HSPA4: variants seen among roughly 807,000 people sequenced by gnomAD.
HSPA4 encodes heat shock 70 kDa protein 4.
A neutral mutation model predicts 106.2 loss-of-function variants in HSPA4; 25 were observed. The ratio of observed to expected loss-of-function variants is 0.24; its 90% CI spans 0.17 to 0.33. HSPA4 has a LOEUF of 0.33. Ranked by LOEUF, HSPA4 falls within the 10% of genes least tolerant of loss-of-function variation. HSPA4 has a pLI of 1.00. For synonymous variants in HSPA4, 332 were observed against 333.6 expected, an observed-to-expected ratio of 1.00 and a Z score of 0.05; for missense variants, 841 against 996.0, an observed-to-expected ratio of 0.84 and a Z score of 2.10.
At position 133,093,166 on chromosome 5, in the gene HSPA4, A is replaced by G. The variant is rs146164920; in HGVS notation, c.1650+377A>G. Among the ~76,000 whole-genome samples the G allele has an allele frequency of 4.4e-3, 666 of 151,994 alleles. 6 individuals are homozygous for G. Among genetic ancestry groups the G allele is most frequent in the African/African-American group, 0.016 (647 of 41,438 alleles). On this transcript the variant is annotated intron_variant, in intron 13 of 18. Coordinates refer to ENST00000304858, the MANE Select transcript of HSPA4 (RefSeq NM_002154.4). ...TTAGAGTATGCACTGCAGTCTTTTTAAAGTACATGGTTTTGGCTGAGGGGC... is the reference window on the plus strand; with the variant it reads ...TTAGAGTATGCACTGCAGTCTTTTTGAAGTACATGGTTTTGGCTGAGGGGC...
At chr5:133,101,189 G>A (rs555675419) in intron 16 of HSPA4, among the ~76,000 whole-genome samples, 1 of 152,102 alleles carries the variant, frequency 6.6e-6, no homozygotes, top group Non-Finnish European at 1.5e-5. Context: ...ATCAGTATCC[G>A]TATAGGGCTC....
chr5:133,060,068 C>CTTTTT (rs370182052), intron 1 of HSPA4, among the ~76,000 whole-genome samples: 45,216 of 145,828 alleles, frequency 0.31, 8,067 homozygotes, highest in African/African-American at 0.5. Context: ...ATCAGTTTTA[C>CTTTTT]TTTTTTTTTT....
chr5:133,097,073 A>G, intron 14 of HSPA4, 88 bp from the exon 15 acceptor site: 2 of 1,075,300 alleles, frequency 1.9e-6, no homozygotes, highest in Non-Finnish European at 2.7e-6. Context: ...TTTGGGGAAG[A>G]AAGAGTCTCT....
At chr5:133,087,476 C>T (rs898334218) in intron 8 of HSPA4, among the ~76,000 whole-genome samples, 4 of 152,096 alleles carry the variant, frequency 2.6e-5, no homozygotes, top group Non-Finnish European at 5.9e-5. Flanking sequence ...CTTTAAATAG[C>T]CCTTCTCAAG....
At chr5:133,102,002 G>GT in intron 17 of HSPA4, 124 bp downstream of exon 17, 2 of 607,298 alleles carry the variant, frequency 3.3e-6, no homozygotes, top group Non-Finnish European at 5.3e-6. Context: ...TCTCGGCTCA[G>GT]TGCAACCTCC....
At chr5:133,056,800 CAG>C (rs768341200) in intron 1 of HSPA4, among the ~76,000 whole-genome samples, 48 of 152,202 alleles carry the variant, frequency 3.2e-4, no homozygotes, top group Non-Finnish European at 6.0e-4. Flanking sequence ...ACAAATATAA[CAG>C]ATTAATTTGC....
rs542651678 is a variant in HSPA4 at position 133,100,890 on chromosome 5, C to T, written c.2038-869C>T. The stretch of plus-strand genomic sequence containing the variant: ...GTGTTATCACGGCTTACTGCAGCCT[C>T]GACCTCCCATGCTCAAGTGGTCCTT... On this transcript the variant is annotated intron_variant, in intron 16 of 18. Transcript: ENST00000304858. Among the ~76,000 whole-genome samples, 11 of 152,306 alleles carry T rather than the reference C, an allele frequency of 7.2e-5. No homozygotes were observed. The South Asian group carries it at 1.0e-3, about 14-fold the overall frequency.
At position 133,082,103 on chromosome 5, in the gene HSPA4, G is replaced by A. The variant is rs75065825; in HGVS notation, c.909-4679G>A. 4.5e-3 allele frequency among the ~76,000 whole-genome samples: 688 copies of A among 152,278 alleles called. 3 individuals are homozygous for A. The highest frequency in any genetic ancestry group is 5.2e-3 in the Non-Finnish European group (351 of 68,006). On this transcript the variant is annotated intron_variant, in intron 7 of 18. Coordinates refer to ENST00000304858, the MANE Select transcript of HSPA4 (RefSeq NM_002154.4). ...GATATTTTTGGTACTTGAAAAAAATGTAATACAGATACATACTAAAACATG... is the reference window on the plus strand; with the variant it reads ...GATATTTTTGGTACTTGAAAAAAATATAATACAGATACATACTAAAACATG...
At position 133,073,315 on chromosome 5, in the gene HSPA4, A is replaced by G. The variant is rs1232108225; in HGVS notation, c.515A>G (p.Asn172Ser). 4 of 1,602,664 alleles carry G rather than the reference A, an allele frequency of 2.5e-6. No individual in the cohort carries two copies. The highest frequency in any genetic ancestry group is 1.3e-5 in the African/African-American group (1 of 74,664). The change falls in exon 5 of 19, where the codon AAT becomes AGT. Residue 172 changes from asparagine to serine, a missense_variant. By Grantham distance (46) the Asn-to-Ser change is conservative. Coordinates refer to ENST00000304858, the MANE Select transcript of HSPA4 (RefSeq NM_002154.4). ...IAGLNCLRLM[N>S]ETTAVALAYG... is the part of the protein sequence containing the mutation. The stretch of plus-strand genomic sequence containing the variant: ...GGTCTTAATTGCTTGCGATTAATGA[A>G]TGAAACCACTGCAGGTAAGGAGGAC...
chr5:133,091,121 A>T (rs778829444), intron 11 of HSPA4, 72 bp from the exon 12 acceptor site: 2 of 1,212,028 alleles, frequency 1.7e-6, no homozygotes, highest in East Asian at 2.3e-5. Context: ...TAATCTAGCA[A>T]TGTAGGCATA....
chr5:133,056,130 G>T (rs1359736134), intron 1 of HSPA4, among the ~76,000 whole-genome samples: 1 of 152,120 alleles, frequency 6.6e-6, no homozygotes, highest in African/African-American at 2.4e-5. Context: ...GAGACCTGAG[G>T]ATGAGTAGGA....
At chr5:133,061,223 C>A (rs931028813) in intron 1 of HSPA4, among the ~76,000 whole-genome samples, 1 of 150,984 alleles carries the variant, frequency 6.6e-6, no homozygotes, top group Non-Finnish European at 1.5e-5. Flanking sequence ...GCTGGGTTCA[C>A]GCCATTCTCC....
At chr5:133,095,703 G>A (rs1765703162) in intron 13 of HSPA4, among the ~76,000 whole-genome samples, 1 of 152,064 alleles carries the variant, frequency 6.6e-6, no homozygotes, top group Admixed American at 6.5e-5. Flanking sequence ...GGGATTGTAG[G>A]AGATATGTAT....
intron 7 of HSPA4, among the ~76,000 whole-genome samples, chr5:133,077,316 G>A (rs1264398715): frequency 6.6e-6 from 1 of 151,994 alleles, no homozygotes; most frequent in Non-Finnish European, 1.5e-5. Flanking sequence ...TCAACTCACT[G>A]CAACCTCCAC....
rs112622701 is a variant in HSPA4 at position 133,052,417 on chromosome 5, C to G, written c.107+60C>G. ...GTTAGGAGATAATGCTTGTTCCAGT[C>G]TGGGACCCTCGCTGCTTGGGGAACG... On this transcript the variant is annotated intron_variant, in intron 1 of 18. Transcript: ENST00000304858. 62 of 1,146,772 alleles carry G rather than the reference C, an allele frequency of 5.4e-5. No individual in the cohort carries two copies. The African/African-American group carries it at 7.9e-4, about 15-fold the overall frequency. 71.0% of individuals were successfully genotyped at this position (1,146,772 alleles called of 1,614,324 possible). A position where few individuals can be genotyped will look rare whatever the true frequency, so the allele number is the denominator to read the frequency against.
rs147934883 is a variant in HSPA4, at chr5:133,073,374, A to G, written c.529+45A>G. On this transcript the variant is annotated intron_variant, in intron 5 of 18. Coordinates refer to ENST00000304858, the MANE Select transcript of HSPA4 (RefSeq NM_002154.4). ...ATTTTTTTGACTTGGTTAATCTTGA[A>G]GATTGTGAAATTTTAAAACCCTGGG... 8.1e-4 allele frequency: 1,071 copies of G among 1,327,342 alleles called. 4 individuals are homozygous for G. Among genetic ancestry groups the G allele is most frequent in the East Asian group, 6.7e-3 (292 of 43,372 alleles). 82.2% of individuals were successfully genotyped at this position (1,327,342 alleles called of 1,614,324 possible).
chr5:133,092,567 C>T, intron 12 of HSPA4, 133 bp from the exon 13 acceptor site: 1 of 672,224 alleles, frequency 1.5e-6, no homozygotes, highest in Admixed American at 2.5e-5. Flanking sequence ...ATGTGGCCTA[C>T]CTGGAATTTT....
chr5:133,100,269 A>G (rs1380727229), intron 16 of HSPA4, among the ~76,000 whole-genome samples: 4 of 151,672 alleles, frequency 2.6e-5, no homozygotes, highest in Non-Finnish European at 5.9e-5. Context: ...TCTTTTCACC[A>G]TGTTGGCCAG....
intron 3 of HSPA4, among the ~76,000 whole-genome samples, chr5:133,069,874 G>A (rs1329671901): frequency 6.6e-6 from 1 of 152,170 alleles, no homozygotes; most frequent in Admixed American, 6.5e-5. Flanking sequence ...TTGGTTGAAA[G>A]CTAAAATAGG....
Sources: allele counts gnomAD v4.1 joint callset (sites outside exome capture counted in the v4.1 genomes callset), GRCh38; gene constraint gnomAD v4.1.1; transcripts MANE v1.5; gene names NCBI Gene and HGNC (gene_info 2026-07-23, HGNC 2026-07-21).